WWOX: variants seen among roughly 807,000 people sequenced by gnomAD.
WWOX encodes WW domain-containing oxidoreductase.
Under a neutral mutation model 46.2 loss-of-function variants are expected in WWOX, and 69 were observed. The observed-to-expected ratio is 1.49, with a 90% CI of 1.23 to 1.82. The LOEUF (loss-of-function observed/expected upper bound fraction) is 1.82, where lower values mean the gene tolerates loss of function less well. WWOX is among the 40% of genes most tolerant of loss of function. The probability of loss-of-function intolerance (pLI) is 0.00; values close to 1 mark genes in which losing one functional copy is unlikely to be tolerated. For missense variants in WWOX, 919 were observed against 542.6 expected (o/e 1.69, Z -6.89); for synonymous variants, 359 against 202.6 (o/e 1.77, Z -6.56).
chr16:78,773,854 G>T (rs1052538885), intron 8 of WWOX, among the ~76,000 whole-genome samples: 1 of 152,162 alleles, frequency 6.6e-6, no homozygotes, highest in South Asian at 2.1e-4. Context: ...AACGATTATT[G>T]TATTTAACTT....
At chr16:78,215,388 C>G (rs756516172) in intron 5 of WWOX, among the ~76,000 whole-genome samples, 2 of 152,188 alleles carry the variant, frequency 1.3e-5, no homozygotes, top group Non-Finnish European at 2.9e-5. Flanking sequence ...GGCAGTTTCC[C>G]TCATGCTGTT....
At chr16:79,176,899 C>A (rs1232350624) in intron 8 of WWOX, among the ~76,000 whole-genome samples, 1 of 152,112 alleles carries the variant, frequency 6.6e-6, no homozygotes, top group Non-Finnish European at 1.5e-5. Context: ...TAATCCAGGC[C>A]GACTTTGGCT....
intron 5 of WWOX, among the ~76,000 whole-genome samples, chr16:78,337,524 G>A (rs998989590): frequency 6.6e-6 from 1 of 152,150 alleles, no homozygotes; most frequent in South Asian, 2.1e-4. Context: ...GCTGCTGCTT[G>A]TGTTGTACAT....
intron 5 of WWOX, among the ~76,000 whole-genome samples, chr16:78,339,389 C>A (rs57349345): frequency 0.11 from 12,339 of 114,250 alleles, 3,655 homozygotes; most frequent in African/African-American, 0.32. Context: ...AAACAACTCC[C>A]CTGGAGCCTT....
At chr16:78,938,905 G>A (rs1197715540) in intron 8 of WWOX, among the ~76,000 whole-genome samples, 2 of 152,146 alleles carry the variant, frequency 1.3e-5, no homozygotes, top group South Asian at 2.1e-4. Flanking sequence ...CTGGAGAGTG[G>A]GAGGCCCAGT....
chr16:78,214,032 G>A (rs540893355), intron 5 of WWOX, among the ~76,000 whole-genome samples: 4 of 152,246 alleles, frequency 2.6e-5, no homozygotes, highest in African/African-American at 9.6e-5. Flanking sequence ...GCGCCTCCCA[G>A]CCACTGGGGC....
At position 79,083,592 on chromosome 16, in the gene WWOX, A is replaced by G. The variant is rs559678029; in HGVS notation, c.1057-128016A>G. On this transcript the variant is annotated intron_variant, in intron 8 of 8. Coordinates refer to ENST00000566780, the MANE Select transcript of WWOX (RefSeq NM_016373.4). ...GCTTATGCACGCGTATGGCTGCAAC[A>G]TCCTTCCAAAATGCATTACAGGCTC... Among the ~76,000 whole-genome samples the G allele has an allele frequency of 7.9e-5, 12 of 152,348 alleles. No individual in the cohort carries two copies. In the East Asian group the frequency reaches 2.3e-3, roughly 29 times the overall value.
At chr16:78,178,527 T>C (rs1214056699) in intron 5 of WWOX, among the ~76,000 whole-genome samples, 1 of 152,186 alleles carries the variant, frequency 6.6e-6, no homozygotes, top group South Asian at 2.1e-4. Context: ...ATGTCAGTGC[T>C]AGACCACATC....
rs529706886 is a variant in WWOX, at chr16:79,023,747, C to G, written c.1057-187861C>G. ...GACCAGCCTGGCTGGTGGTGATACC[C>G]CATCTCTACTAAAATATGGTGATAC... On this transcript the variant is annotated intron_variant, in intron 8 of 8. Coordinates refer to ENST00000566780, the MANE Select transcript of WWOX (RefSeq NM_016373.4). 1.1e-4 allele frequency among the ~76,000 whole-genome samples: 17 copies of G among 150,654 alleles called. No individual in the cohort carries two copies. In the East Asian group the frequency reaches 1.6e-3, roughly 14 times the overall value.
At chr16:78,332,671 A>C (rs954782250) in intron 5 of WWOX, among the ~76,000 whole-genome samples, 1 of 152,160 alleles carries the variant, frequency 6.6e-6, no homozygotes, top group South Asian at 2.1e-4. Context: ...TGGATATGAT[A>C]ATCTGAGAGT....
At position 78,993,423 on chromosome 16, in the gene WWOX, C is replaced by T. The variant is rs781680082; in HGVS notation, c.1057-218185C>T. On this transcript the variant is annotated intron_variant, in intron 8 of 8. Transcript: ENST00000566780. ...CTGGGGACTCTGCCTCGCCTCTCCT[C>T]TCGGACATGACAGTGCGGCTGGATA... Among the ~76,000 whole-genome samples the T allele has an allele frequency of 7.9e-5, 12 of 152,286 alleles. No homozygotes were observed. In the South Asian group the frequency reaches 2.5e-3, roughly 32 times the overall value.
intron 8 of WWOX, among the ~76,000 whole-genome samples, chr16:78,657,628 G>A (rs1232745674): frequency 6.6e-6 from 1 of 152,150 alleles, no homozygotes; most frequent in Non-Finnish European, 1.5e-5. Flanking sequence ...GTCAGGTTCT[G>A]ATGACAGATT....
chr16:79,051,157 T>C (rs1325139504), intron 8 of WWOX, among the ~76,000 whole-genome samples: 7 of 152,222 alleles, frequency 4.6e-5, no homozygotes, highest in Non-Finnish European at 8.8e-5. Flanking sequence ...TGTTAATATA[T>C]GTGTGACTTG....
Position 78,492,867 on chromosome 16 carries a change from C to T in WWOX, c.1056+60115C>T, listed in dbSNP as rs536584260. Among the ~76,000 whole-genome samples the T allele has an allele frequency of 3.3e-5, 5 of 152,236 alleles. No individual in the cohort carries two copies. In the East Asian group the frequency reaches 7.7e-4, roughly 24 times the overall value. On this transcript the variant is annotated intron_variant, in intron 8 of 8. Coordinates refer to ENST00000566780, the MANE Select transcript of WWOX (RefSeq NM_016373.4). ...TACTTGTGTCCCTTGAGCCTGGAGA[C>T]GGCAAGTACCCAGTGTGCATGCATG...
chr16:78,807,714 G>A (rs989951988), intron 8 of WWOX, among the ~76,000 whole-genome samples: 1 of 152,214 alleles, frequency 6.6e-6, no homozygotes, highest in Non-Finnish European at 1.5e-5. Flanking sequence ...ACAACGTACT[G>A]TTACATAATT....
chr16:79,005,351 C>T, intron 8 of WWOX, among the ~76,000 whole-genome samples: 1 of 152,154 alleles, frequency 6.6e-6, no homozygotes, highest in Non-Finnish European at 1.5e-5. Context: ...TAAGCACAGT[C>T]ACAGAAATGA....
chr16:78,582,709 T>A lies in WWOX; in HGVS notation c.1056+149957T>A, dbSNP rs550807132. On this transcript the variant is annotated intron_variant, in intron 8 of 8. Transcript: ENST00000566780. Reference sequence around the variant, plus strand: ...GATGACCCCTGCTTAACAGTAAACTTGTTATGCATAGGGTTGTTAGAAAAG... The same window carrying A: ...GATGACCCCTGCTTAACAGTAAACTAGTTATGCATAGGGTTGTTAGAAAAG... Among the ~76,000 whole-genome samples the A allele has an allele frequency of 9.9e-4, 151 of 152,284 alleles. No individual in the cohort carries two copies. The South Asian group carries it at 0.031, about 32-fold the overall frequency.
chr16:78,504,742 G>A (rs866921431), intron 8 of WWOX, among the ~76,000 whole-genome samples: 1 of 152,068 alleles, frequency 6.6e-6, no homozygotes. Flanking sequence ...CATGGGGCTT[G>A]GAACCACGCC....
intron 8 of WWOX, among the ~76,000 whole-genome samples, chr16:78,901,107 A>G (rs1411454681): frequency 2.6e-5 from 4 of 152,158 alleles, no homozygotes; most frequent in Admixed American, 6.5e-5. Flanking sequence ...CCCAGTCATT[A>G]CCTTTCTCCT....
Sources: allele counts gnomAD v4.1 joint callset (sites outside exome capture counted in the v4.1 genomes callset), GRCh38; gene constraint gnomAD v4.1.1; transcripts MANE v1.5; gene names NCBI Gene and HGNC (gene_info 2026-07-23, HGNC 2026-07-21).